The following TMEFF2 variants were observed in gnomAD, a reference collection of about 807,000 sequenced individuals.
TMEFF2 encodes tomoregulin-2.
TMEFF2 carries 28 observed loss-of-function variants against 53.8 expected under a neutral mutation model. The observed-to-expected ratio is 0.52, with a 90% CI of 0.39 to 0.71. The LOEUF (loss-of-function observed/expected upper bound fraction) is 0.71, where lower values mean the gene tolerates loss of function less well. Among genes scored for constraint, TMEFF2 ranks in the 30% least tolerant of loss-of-function variants. The pLI, the probability that TMEFF2 is intolerant of heterozygous loss-of-function variation, is 0.00. For missense variants in TMEFF2, 353 were observed against 455.2 expected (o/e 0.78, Z 2.04); for synonymous variants, 162 against 166.3 (o/e 0.97, Z 0.20).
At chr2:192,076,954 T>A (rs988208801) in intron 4 of TMEFF2, among the ~76,000 whole-genome samples, 3 of 152,202 alleles carry the variant, frequency 2.0e-5, no homozygotes, top group Non-Finnish European at 4.4e-5. Context: ...AATGGGACAA[T>A]CCGAGCTTCA....
intron 4 of TMEFF2, among the ~76,000 whole-genome samples, chr2:192,117,270 A>G (rs1160941040): frequency 6.6e-6 from 1 of 152,160 alleles, no homozygotes; most frequent in Admixed American, 6.5e-5. Context: ...TTTATTTCTG[A>G]GACCTATAAT....
intron 4 of TMEFF2, among the ~76,000 whole-genome samples, chr2:192,164,691 G>A (rs1039484779): frequency 1.3e-5 from 2 of 149,272 alleles, no homozygotes; most frequent in Non-Finnish European, 3.0e-5. Context: ...TCATGCCACC[G>A]CACTCCAGCC....
intron 4 of TMEFF2, among the ~76,000 whole-genome samples, chr2:192,161,579 G>T (rs1483010922): frequency 6.6e-6 from 1 of 152,338 alleles, no homozygotes; most frequent in South Asian, 2.1e-4. Context: ...TATAGTGTAA[G>T]CAATTAGTCA....
intron 4 of TMEFF2, among the ~76,000 whole-genome samples, chr2:192,092,127 T>C (rs548274491): frequency 1.2e-4 from 19 of 152,286 alleles, no homozygotes; most frequent in Non-Finnish European, 2.2e-4. Context: ...CTAGATATTA[T>C]ATTCAAGGGA....
At chr2:192,052,829 C>T (rs890545394) in intron 5 of TMEFF2, among the ~76,000 whole-genome samples, 6 of 152,170 alleles carry the variant, frequency 3.9e-5, no homozygotes, top group South Asian at 4.1e-4. Flanking sequence ...CAGTTACTTT[C>T]GAAGTCCATC....
chr2:192,118,040 G>T (rs1004107476), intron 4 of TMEFF2, among the ~76,000 whole-genome samples: 2 of 147,704 alleles, frequency 1.4e-5, no homozygotes, highest in Admixed American at 1.4e-4. Flanking sequence ...ACCCTCCACT[G>T]GTAACAGTTC....
intron 2 of TMEFF2, among the ~76,000 whole-genome samples, chr2:192,188,345 G>A (rs915932316): frequency 6.6e-6 from 1 of 152,144 alleles, no homozygotes; most frequent in Non-Finnish European, 1.5e-5. Flanking sequence ...ATGCTATGAG[G>A]AAGACAAAAC....
In TMEFF2 at chr2:192,043,250, G is replaced by A. The variant is rs527706354; in HGVS notation, c.536+14429C>T. Among the ~76,000 whole-genome samples the A allele has an allele frequency of 5.9e-5, 9 of 152,208 alleles. No individual in the cohort carries two copies. The South Asian group carries it at 1.9e-3, about 32-fold the overall frequency. ...TAAGCAGAAACGTTCTTAAACAAAA[G>A]TCTAGCCTACATCATAAAAAAAGAG... On this transcript the variant is annotated intron_variant, in intron 5 of 9. Transcript: ENST00000272771.
At chr2:191,969,135 GTATC>G (rs1559065934) in intron 7 of TMEFF2, among the ~76,000 whole-genome samples, 2 of 82,926 alleles carry the variant, frequency 2.4e-5, no homozygotes, top group African/African-American at 4.4e-5. Flanking sequence ...ATGTGTGTGT[GTATC>G]TATGTGTGTG....
intron 7 of TMEFF2, among the ~76,000 whole-genome samples, chr2:191,973,125 C>T (rs1692696510): frequency 6.6e-6 from 1 of 152,080 alleles, no homozygotes; most frequent in African/African-American, 2.4e-5. Flanking sequence ...TTAGACTATG[C>T]AGAAACATCA....
chr2:192,177,492 G>A (rs1407450315), intron 4 of TMEFF2: 1 of 151,200 alleles, frequency 6.6e-6, no homozygotes, highest in South Asian at 2.1e-4. Flanking sequence ...AACCTGATCA[G>A]TCTCTAATTT....
intron 7 of TMEFF2, among the ~76,000 whole-genome samples, chr2:191,987,131 T>C (rs1333449745): frequency 6.6e-6 from 1 of 152,110 alleles, no homozygotes; most frequent in Admixed American, 6.6e-5. Flanking sequence ...GTAGGATGTA[T>C]AGCCGTATAT....
At chr2:192,115,217 G>A (rs1689374741) in intron 4 of TMEFF2, among the ~76,000 whole-genome samples, 1 of 151,902 alleles carries the variant, frequency 6.6e-6, no homozygotes, top group Admixed American at 6.6e-5. Flanking sequence ...AAAACAACAT[G>A]GTAGTGGCAT....
intron 5 of TMEFF2, among the ~76,000 whole-genome samples, chr2:192,050,591 C>A (rs1378989116): frequency 6.6e-6 from 1 of 151,972 alleles, no homozygotes; most frequent in East Asian, 1.9e-4. Context: ...ACATTTGAAG[C>A]TTTTAACTTC....
chr2:192,028,132 A>G (rs1407136262), intron 5 of TMEFF2, among the ~76,000 whole-genome samples: 1 of 151,364 alleles, frequency 6.6e-6, no homozygotes, highest in African/African-American at 2.4e-5. Context: ...GGTTTTAAAA[A>G]TGGAAGTTTC....
At chr2:191,964,370 T>TTCTTTC (rs1559063514) in intron 7 of TMEFF2, among the ~76,000 whole-genome samples, 1 of 74,852 alleles carries the variant, frequency 1.3e-5, no homozygotes, top group Non-Finnish European at 2.7e-5. Flanking sequence ...CTTTCTTTCT[T>TTCTTTC]TCTCTTTCTT....
At chr2:192,003,696 T>G (rs955786144) in intron 5 of TMEFF2, among the ~76,000 whole-genome samples, 1 of 152,202 alleles carries the variant, frequency 6.6e-6, no homozygotes. Context: ...TAAAATGCTA[T>G]ATAAAGATCC....
chr2:192,025,837 C>T (rs1430719468), intron 5 of TMEFF2, among the ~76,000 whole-genome samples: 5 of 152,132 alleles, frequency 3.3e-5, no homozygotes, highest in African/African-American at 1.2e-4. Flanking sequence ...TGTCTGAATG[C>T]AGGGCACAGA....
intron 4 of TMEFF2, among the ~76,000 whole-genome samples, chr2:192,134,881 G>A (rs569772436): frequency 4.6e-4 from 70 of 152,242 alleles, no homozygotes; most frequent in Admixed American, 7.2e-4. Flanking sequence ...CAGGCTCTTA[G>A]TATTCAGTGA....
Sources: allele counts gnomAD v4.1 joint callset (sites outside exome capture counted in the v4.1 genomes callset), GRCh38; gene constraint gnomAD v4.1.1; transcripts MANE v1.5; gene names NCBI Gene and HGNC (gene_info 2026-07-23, HGNC 2026-07-21).